The following CAMTA1 variants were observed in gnomAD, a reference collection of about 807,000 sequenced individuals.
CAMTA1 encodes the protein calmodulin binding transcription activator 1.
Under a neutral mutation model 170.9 loss-of-function variants are expected in CAMTA1, and 27 were observed. The ratio of observed to expected loss-of-function variants is 0.16; its 90% confidence interval spans 0.12 to 0.22. The LOEUF (loss-of-function observed/expected upper bound fraction) is 0.22. Among genes scored for constraint, CAMTA1 ranks in the 10% least tolerant of loss-of-function variants. The pLI, the probability that CAMTA1 is intolerant of heterozygous loss-of-function variation, is 1.00. For synonymous variants in CAMTA1, 833 were observed against 891.5 expected (o/e 0.93, Z 1.17); for missense variants, 1,619 against 2,217.2 (o/e 0.73, Z 5.42).
intron 4 of CAMTA1, among the ~76,000 whole-genome samples, chr1:7,155,362 A>G (rs1646807990): frequency 6.9e-6 from 1 of 143,986 alleles, no homozygotes; most frequent in Non-Finnish European, 1.5e-5. Context: ...GGAGGTCGAG[A>G]TCCCAGCCTC....
chr1:7,081,661 A>G (rs1640025622), intron 3 of CAMTA1, among the ~76,000 whole-genome samples: 1 of 152,234 alleles, frequency 6.6e-6, no homozygotes, highest in Non-Finnish European at 1.5e-5. Flanking sequence ...CAAGCCGGCC[A>G]TGACAGTGGA....
At chr1:7,054,959 C>G (rs559161910) in intron 3 of CAMTA1, among the ~76,000 whole-genome samples, 96 of 152,246 alleles carry the variant, frequency 6.3e-4, no homozygotes, top group African/African-American at 2.2e-3. Context: ...GGGAAGTAGG[C>G]TGGTCTTCCG....
chr1:7,592,386 G>A lies in CAMTA1; in HGVS notation c.511-48014G>A, dbSNP rs1396355245. Among the ~76,000 whole-genome samples the A allele has an allele frequency of 1.3e-5, 2 of 152,148 alleles. No individual in the cohort carries two copies. Among genetic ancestry groups the A allele is most frequent in the Non-Finnish European group, 2.9e-5 (2 of 68,044 alleles). ...CCTGCGGCACATTCGGTAGGCTGGGGGTCTGTTGGATCCTGGCACCTTGCA... is the reference window on the plus strand; with the variant it reads ...CCTGCGGCACATTCGGTAGGCTGGGAGTCTGTTGGATCCTGGCACCTTGCA... On this transcript the variant is annotated intron_variant, in intron 6 of 22. Transcript: ENST00000303635. This position sits in a 1 kb window ranked among gnomAD's most constrained non-coding sequence, Gnocchi z 4.6.
chr1:7,548,835 G>A (rs2094751171), intron 6 of CAMTA1, among the ~76,000 whole-genome samples: 1 of 110,142 alleles, frequency 9.1e-6, no homozygotes. Flanking sequence ...GGGTGGAGGT[G>A]CCCGTGGAGG....
intron 6 of CAMTA1, among the ~76,000 whole-genome samples, chr1:7,523,695 G>C (rs923405608): frequency 6.7e-6 from 1 of 148,518 alleles, no homozygotes; most frequent in Non-Finnish European, 1.5e-5. Flanking sequence ...TGGCTAACAC[G>C]GTGAAACCCC....
intron 4 of CAMTA1, among the ~76,000 whole-genome samples, chr1:7,205,488 G>A (rs909222609): frequency 2.0e-5 from 3 of 152,126 alleles, no homozygotes; most frequent in African/African-American, 7.2e-5. Flanking sequence ...GTTACTAGGT[G>A]CATTGTGTTT....
At chr1:7,031,171 G>A (rs66653799) in intron 3 of CAMTA1, among the ~76,000 whole-genome samples, 38,246 of 151,774 alleles carry the variant, frequency 0.25, 5,000 homozygotes, top group African/African-American at 0.32. Flanking sequence ...GGAGGGATAC[G>A]GAAATCTCTA....
At chr1:7,763,735 T>G (rs951195435) in intron 22 of CAMTA1, among the ~76,000 whole-genome samples, 1 of 152,260 alleles carries the variant, frequency 6.6e-6, no homozygotes, top group African/African-American at 2.4e-5. Context: ...TTATTTCATC[T>G]CAATGATGAA....
intron 5 of CAMTA1, among the ~76,000 whole-genome samples, chr1:7,318,335 T>G (rs569712914): frequency 6.6e-6 from 1 of 152,316 alleles, no homozygotes; most frequent in South Asian, 2.1e-4. Flanking sequence ...CAGTGACTGG[T>G]TGGCTGGAAG....
chr1:7,601,000 C>T (rs1287433026), intron 6 of CAMTA1, among the ~76,000 whole-genome samples: 2 of 152,188 alleles, frequency 1.3e-5, no homozygotes, highest in African/African-American at 4.8e-5. Context: ...CTGTTGAGTA[C>T]ACCTCCCAGA....
intron 4 of CAMTA1, among the ~76,000 whole-genome samples, chr1:7,095,917 AC>A (rs139948150): frequency 0.012 from 1,766 of 152,316 alleles, 33 homozygotes; most frequent in African/African-American, 0.04. Flanking sequence ...CCTGGGAAAT[AC>A]GCAACCTTCC....
chr1:7,210,086 A>T (rs921667798), intron 4 of CAMTA1, among the ~76,000 whole-genome samples: 3 of 152,250 alleles, frequency 2.0e-5, no homozygotes, highest in African/African-American at 7.2e-5. Context: ...AAGTCAGGAA[A>T]ATAGTACTAA....
At chr1:7,365,459 A>G (rs532573939) in intron 5 of CAMTA1, among the ~76,000 whole-genome samples, 76 of 152,274 alleles carry the variant, frequency 5.0e-4, no homozygotes, top group African/African-American at 1.7e-3. Context: ...TTAAAAAATA[A>G]TTTCAGACCT....
At chr1:7,135,325 T>C (rs1322387089) in intron 4 of CAMTA1, among the ~76,000 whole-genome samples, 1 of 152,070 alleles carries the variant, frequency 6.6e-6, no homozygotes, top group East Asian at 1.9e-4. Flanking sequence ...GAGGCAGAGG[T>C]TGCAGTGAGT....
At chr1:7,492,692 T>G (rs1343246522) in intron 6 of CAMTA1, among the ~76,000 whole-genome samples, 1 of 112,138 alleles carries the variant, frequency 8.9e-6, no homozygotes, top group Non-Finnish European at 1.8e-5. Flanking sequence ...AACACAAACC[T>G]ACAAACACAC....
At position 6,830,879 on chromosome 1, in the gene CAMTA1, C is replaced by T. The variant is rs965215716; in HGVS notation, c.234+5669C>T. Among the ~76,000 whole-genome samples the T allele has an allele frequency of 7.9e-5, 12 of 152,038 alleles. 1 individual carries two copies. The Middle Eastern group carries it at 0.01, about 130-fold the overall frequency. On this transcript the variant is annotated intron_variant, in intron 3 of 22. Coordinates refer to ENST00000303635, the MANE Select transcript of CAMTA1 (RefSeq NM_015215.4). ...TGTCGCCCAGGCTGGAGTGCAGTGG[C>T]GTGATCTCGGCTCACTGCAAGCTCC...
intron 4 of CAMTA1, among the ~76,000 whole-genome samples, chr1:7,156,357 A>G (rs536853378): frequency 2.0e-5 from 3 of 152,146 alleles, no homozygotes; most frequent in South Asian, 2.1e-4. Flanking sequence ...AGATAGATAC[A>G]TGAATGGTGA....
intron 3 of CAMTA1, among the ~76,000 whole-genome samples, chr1:6,907,535 C>G (rs547606925): frequency 6.6e-6 from 1 of 152,134 alleles, no homozygotes; most frequent in Admixed American, 6.5e-5. Flanking sequence ...TTGTCCAGAC[C>G]GCCGCTCTAT....
chr1:7,705,186 G>A (rs1292203236), intron 11 of CAMTA1, among the ~76,000 whole-genome samples: 2 of 151,424 alleles, frequency 1.3e-5, no homozygotes, highest in Non-Finnish European at 3.0e-5. Context: ...TGTGAGGGGC[G>A]TGTTTCTGGG....
Sources: gnomAD v4.1 joint callset for allele counts (sites outside exome capture counted in the v4.1 genomes callset) on GRCh38, gnomAD v4.1.1 for gene constraint, Gnocchi (gnomAD v3.1) non-coding constraint, MANE v1.5 for transcripts, NCBI Gene and HGNC (gene_info 2026-07-23, HGNC 2026-07-21) for gene names.